Variants in RAI2 observed in about 807,000 individuals in gnomAD.
RAI2 encodes the protein retinoic acid-induced protein 2.
A neutral mutation model predicts 15.3 loss-of-function variants in RAI2; 5 were observed. That is an observed-to-expected ratio of 0.33 (90% CI 0.17 to 0.69). The LOEUF is 0.69. Ranked by LOEUF, RAI2 falls within the 30% of genes least tolerant of loss-of-function variation. The pLI is 0.69. For missense variants in RAI2, 424 were observed against 424.7 expected (o/e 1.00, Z 0.01); for synonymous variants, 191 against 184.0 (o/e 1.04, Z -0.31).
intron 1 of RAI2, among the ~76,000 whole-genome samples, chrX:17,829,622 A>G (rs1321277654): frequency 8.9e-6 from 1 of 112,628 alleles, no homozygotes; most frequent in African/African-American, 3.2e-5. Flanking sequence ...GATGTTTCGC[A>G]AGCATTGTTT....
chrX:17,831,263 A>G (rs142394909), intron 1 of RAI2, among the ~76,000 whole-genome samples: 123 of 112,112 alleles, frequency 1.1e-3, no homozygotes, highest in Middle Eastern at 9.2e-3. Flanking sequence ...GGTATTTTTA[A>G]TATATAATAT....
intron 1 of RAI2, among the ~76,000 whole-genome samples, chrX:17,849,399 C>T (rs1257465277): frequency 8.9e-6 from 1 of 112,443 alleles, no homozygotes; most frequent in East Asian, 2.8e-4. Flanking sequence ...AATCCCAGTT[C>T]CACCTCCTGT....
chrX:17,855,646 G>A (rs955780924), intron 1 of RAI2, among the ~76,000 whole-genome samples: 6 of 111,759 alleles, frequency 5.4e-5, no homozygotes, highest in Non-Finnish European at 7.5e-5. Context: ...GATGGAGAGC[G>A]TTTATGTCCC....
intron 1 of RAI2, among the ~76,000 whole-genome samples, chrX:17,836,922 C>A (rs1257792905): frequency 8.9e-6 from 1 of 112,010 alleles, no homozygotes; most frequent in African/African-American, 3.2e-5. Context: ...ATTCAGGATG[C>A]GTTAATAAGC....
At chrX:17,821,828 C>A (rs887406209) in intron 1 of RAI2, among the ~76,000 whole-genome samples, 1 of 110,855 alleles carries the variant, frequency 9.0e-6, no homozygotes, top group Non-Finnish European at 1.9e-5. Flanking sequence ...TTTGTGTTGA[C>A]CCTCTGGGCC....
chrX:17,806,114 A>G (rs180815012), intron 1 of RAI2, among the ~76,000 whole-genome samples: 1 of 111,288 alleles, frequency 9.0e-6, no homozygotes, highest in Non-Finnish European at 1.9e-5. Context: ...ATACAAAACT[A>G]TCTCATGAAT....
At chrX:17,829,348 T>C (rs767822242) in intron 1 of RAI2, among the ~76,000 whole-genome samples, 10 of 107,678 alleles carry the variant, frequency 9.3e-5, no homozygotes, top group Non-Finnish European at 1.3e-4. Context: ...TGGATTAGGC[T>C]AGCAGTTCTC....
intron 1 of RAI2, among the ~76,000 whole-genome samples, chrX:17,858,235 A>G (rs765860044): frequency 1.3e-4 from 15 of 111,907 alleles, no homozygotes; most frequent in African/African-American, 3.6e-4. Flanking sequence ...AATCATAACC[A>G]CCAAAGTCTG....
At chrX:17,829,284 A>C (rs1428218357) in intron 1 of RAI2, among the ~76,000 whole-genome samples, 1 of 108,195 alleles carries the variant, frequency 9.2e-6, no homozygotes, top group Non-Finnish European at 1.9e-5. Flanking sequence ...ATGGAAAAAA[A>C]AAAAAAAAAA....
At chrX:17,817,460 T>C (rs2067120258) in intron 1 of RAI2, among the ~76,000 whole-genome samples, 2 of 112,778 alleles carry the variant, frequency 1.8e-5, no homozygotes, top group South Asian at 7.2e-4. Flanking sequence ...GACCATTCTT[T>C]GCTCTGTAAC....
At chrX:17,803,032 G>T (rs1387081796) in intron 1 of RAI2, among the ~76,000 whole-genome samples, 1 of 111,549 alleles carries the variant, frequency 9.0e-6, no homozygotes, top group African/African-American at 3.3e-5. Flanking sequence ...AGCAGCCTTG[G>T]AGTCTGGTTG....
chrX:17,801,678 G>A lies in RAI2; in HGVS notation c.333C>T (p.Thr111=), dbSNP rs139690291. The A allele has an allele frequency of 3.2e-5, 39 of 1,210,299 alleles. No homozygotes were observed. In the African/African-American group the frequency reaches 5.6e-4, roughly 17 times the overall value. ...CGGGGCCCTGGGTGGTCATGACGTA[G>A]GTGGCATTGCCATTCGGATTGAGCT... The part of the protein sequence containing the change: ...APELNPNGNA[T]YVMTTQGPVQ... Residue 111 remains threonine, a synonymous_variant, in exon 2 of 2, where the codon ACC becomes ACT. Transcript: ENST00000451717.
chrX:17,808,861 A>G (rs1451504539), intron 1 of RAI2, among the ~76,000 whole-genome samples: 1 of 112,579 alleles, frequency 8.9e-6, no homozygotes. Context: ...CTATGAGCCA[A>G]GTAAGAAAAG....
At chrX:17,856,213 A>ACT (rs2147288413) in intron 1 of RAI2, among the ~76,000 whole-genome samples, 1 of 112,377 alleles carries the variant, frequency 8.9e-6, no homozygotes, top group African/African-American at 3.2e-5. Flanking sequence ...ATGTCTCAGT[A>ACT]GAGATTAAAA....
At chrX:17,848,902 C>A (rs759815235) in intron 1 of RAI2, among the ~76,000 whole-genome samples, 38 of 112,487 alleles carry the variant, frequency 3.4e-4, no homozygotes, top group Non-Finnish European at 6.2e-4. Context: ...TCACCCGCAA[C>A]TGGCTCTCCA....
chrX:17,838,664 A>AG (rs765439617), intron 1 of RAI2, among the ~76,000 whole-genome samples: 1 of 109,934 alleles, frequency 9.1e-6, no homozygotes, highest in Non-Finnish European at 1.9e-5. Context: ...CACAGCACAC[A>AG]CACACACACA....
At chrX:17,839,733 G>T (rs186601928) in intron 1 of RAI2, among the ~76,000 whole-genome samples, 29 of 112,535 alleles carry the variant, frequency 2.6e-4, no homozygotes, top group Non-Finnish European at 3.9e-4. Context: ...TTTGTGTTAT[G>T]AAGACTGGAA....
At chrX:17,825,162 A>G (rs867466224) in intron 1 of RAI2, among the ~76,000 whole-genome samples, 1 of 108,596 alleles carries the variant, frequency 9.2e-6, no homozygotes. Flanking sequence ...CAGTGGGGGG[A>G]AAAAAATCAA....
intron 1 of RAI2, among the ~76,000 whole-genome samples, chrX:17,859,917 T>C (rs1350151612): frequency 1.8e-5 from 2 of 112,765 alleles, no homozygotes; most frequent in Non-Finnish European, 3.7e-5. Flanking sequence ...CCTGCCTTTT[T>C]CATTGATTAA....
Sources: gnomAD v4.1 joint callset for allele counts (sites outside exome capture counted in the v4.1 genomes callset) on GRCh38, gnomAD v4.1.1 for gene constraint, MANE v1.5 for transcripts, NCBI Gene and HGNC (gene_info 2026-07-23, HGNC 2026-07-21) for gene names.